Variants in ZDHHC16 observed in about 807,000 individuals in gnomAD.
ZDHHC16 encodes the protein palmitoyltransferase ZDHHC16.
A neutral mutation model predicts 54.4 loss-of-function variants in ZDHHC16; 33 were observed. The ratio of observed to expected loss-of-function variants is 0.61; its 90% confidence interval spans 0.46 to 0.81. ZDHHC16 has a LOEUF of 0.81. Among genes scored for constraint, ZDHHC16 ranks in the 30% least tolerant of loss-of-function variants. The probability of loss-of-function intolerance (pLI) is 0.00; values close to 1 mark genes in which losing one functional copy is unlikely to be tolerated. For missense variants in ZDHHC16, 420 were observed against 485.9 expected (o/e 0.86, Z 1.28); for synonymous variants, 185 against 182.1 (o/e 1.02, Z -0.13).
chr10:97,453,787 C>T lies in ZDHHC16; in HGVS notation c.691-12C>T. ...CTGAGAGTATAACCAGCACTGTTTT[C>T]CGTCCCCTTAGAAAATGAAACAGCT... On this transcript the variant is annotated splice_polypyrimidine_tract_variant and intron_variant, in intron 7 of 11. Coordinates refer to ENST00000393760, the MANE Select transcript of ZDHHC16 (RefSeq NM_198046.3). 6.2e-7 allele frequency: 1 copy of T among 1,614,224 alleles called. No homozygotes were observed. Among genetic ancestry groups the T allele is most frequent in the Non-Finnish European group, 8.5e-7 (1 of 1,180,044 alleles).
At chr10:97,453,736 G>T (rs1318612792) in intron 7 of ZDHHC16, 63 bp from the exon 8 acceptor site, 1 of 1,613,998 alleles carries the variant, frequency 6.2e-7, no homozygotes, top group Non-Finnish European at 8.5e-7. Context: ...TAAGGAATGG[G>T]GCTGGTAGCA....
chr10:97,449,291 G>A (rs1310986478), intron 1 of ZDHHC16, among the ~76,000 whole-genome samples: 1 of 151,922 alleles, frequency 6.6e-6, no homozygotes, highest in Non-Finnish European at 1.5e-5. Context: ...TACAAACAAG[G>A]AGTGCATTGG....
chr10:97,453,067 G>A, intron 6 of ZDHHC16, 144 bp downstream of exon 6: 1 of 1,046,364 alleles, frequency 9.6e-7, no homozygotes, highest in Non-Finnish European at 1.5e-6. Context: ...TGGGAGAGCA[G>A]GAAGCTCACA....
chr10:97,451,970 CAT>C, intron 3 of ZDHHC16, 52 bp downstream of exon 3: 1 of 1,590,570 alleles, frequency 6.3e-7, no homozygotes, highest in Non-Finnish European at 8.6e-7. Flanking sequence ...AGCAGAGGGA[CAT>C]GTCTCTCACA....
chr10:97,446,294 T>G lies in ZDHHC16; in HGVS notation c.-245T>G. On this transcript the variant is annotated 5_prime_UTR_variant, in exon 1 of 12. An upstream open reading frame in the 5' UTR loses its in-frame stop. Coordinates refer to ENST00000393760, the MANE Select transcript of ZDHHC16 (RefSeq NM_198046.3). ...GGCGCCGAGTCGGAGGGGGTGGCAG[T>G]GAGCGGCGGCAGAGGCTACGGGGCT... 1 of 498,474 alleles carries G rather than the reference T, an allele frequency of 2.0e-6. No homozygotes were observed. Among genetic ancestry groups the G allele is most frequent in the Non-Finnish European group, 3.6e-6 (1 of 276,718 alleles). The allele number at this position is 498,474 out of a possible 1,614,324, so 30.9% of individuals were successfully genotyped here.
At chr10:97,452,035 C>A in intron 3 of ZDHHC16, 55 bp from the exon 4 acceptor site, 1 of 1,606,868 alleles carries the variant, frequency 6.2e-7, no homozygotes, top group Non-Finnish European at 8.5e-7. Context: ...AACTCCGAGT[C>A]TCCTTTGGGC....
chr10:97,448,767 C>T, intron 1 of ZDHHC16, among the ~76,000 whole-genome samples: 1 of 151,690 alleles, frequency 6.6e-6, no homozygotes, highest in East Asian at 1.9e-4. Context: ...CAAAAACAAA[C>T]AAAAAAAGTG....
At chr10:97,453,867 T>G (rs1358010458) in intron 8 of ZDHHC16, 21 bp downstream of exon 8, 1 of 1,614,046 alleles carries the variant, frequency 6.2e-7, no homozygotes, top group East Asian at 2.2e-5. Context: ...CCCACCCCAC[T>G]GCCTCCTGCT....
intron 1 of ZDHHC16, among the ~76,000 whole-genome samples, chr10:97,446,693 T>A (rs990509059): frequency 2.6e-5 from 4 of 152,328 alleles, no homozygotes; most frequent in African/African-American, 9.6e-5. Flanking sequence ...ACCTCGCGGC[T>A]GTCATTGAGA....
intron 11 of ZDHHC16, 122 bp downstream of exon 11, chr10:97,456,166 A>G: frequency 1.0e-6 from 1 of 991,606 alleles, no homozygotes. Context: ...TCTAGACTCT[A>G]GGAATAGAGA....
At chr10:97,453,061 A>G in intron 6 of ZDHHC16, 138 bp downstream of exon 6, 2 of 1,105,606 alleles carry the variant, frequency 1.8e-6, no homozygotes, top group East Asian at 4.7e-5. Context: ...ATCTCCTGGG[A>G]GAGCAGGAAG....
Position 97,451,618 on chromosome 10 carries a change from G to A in ZDHHC16, c.-5-53G>A, listed in dbSNP as rs535793944. ...GAGTACTCTAGGCCTTCCCACTAGC[G>A]GGGTAGGGAGGGAGGGCTCAGACTA... On this transcript the variant is annotated intron_variant, in intron 2 of 11. Coordinates refer to ENST00000393760, the MANE Select transcript of ZDHHC16 (RefSeq NM_198046.3). 33 of 1,559,508 alleles carry A rather than the reference G, an allele frequency of 2.1e-5. No individual in the cohort carries two copies. The South Asian group carries it at 2.8e-4, about 13-fold the overall frequency.
chr10:97,452,059 CAT>C (rs1186285904), intron 3 of ZDHHC16, 29 bp from the exon 4 acceptor site: 1 of 1,613,362 alleles, frequency 6.2e-7, no homozygotes, highest in South Asian at 1.1e-5. Context: ...GCTCTTGCGC[CAT>C]GTCTCCCTGA....
Position 97,446,781 on chromosome 10 carries a change from G to A in ZDHHC16, c.-186+428G>A, listed in dbSNP as rs145370197. Reference sequence around the variant, plus strand: ...TCGCCAGGCTGGAGTGCAGTGGAGCGATCTCTGTTCACTGCAACCTCCGCC... The same window carrying A: ...TCGCCAGGCTGGAGTGCAGTGGAGCAATCTCTGTTCACTGCAACCTCCGCC... On this transcript the variant is annotated intron_variant, in intron 1 of 11. Transcript: ENST00000393760. 3.0e-3 allele frequency among the ~76,000 whole-genome samples: 458 copies of A among 152,214 alleles called. 1 individual carries two copies. The highest frequency in any genetic ancestry group is 0.011 in the African/African-American group (438 of 41,530).
At chr10:97,449,259 G>C (rs966378591) in intron 1 of ZDHHC16, among the ~76,000 whole-genome samples, 8 of 151,964 alleles carry the variant, frequency 5.3e-5, no homozygotes, top group African/African-American at 1.9e-4. Flanking sequence ...GAGGTGTGAG[G>C]TAGTATATAA....
rs1206915352 is a variant in ZDHHC16, at chr10:97,451,877, G to A, written c.202G>A (p.Val68Ile). ...CGCTGTTGATGCTGCCTTTGAGCCT[G>A]TCTACTGGCTGGTAGACAACGTGAT... Reference protein sequence around the residue: ...DTAVDAAFEPVYWLVDNVIRW... With the variant: ...DTAVDAAFEPIYWLVDNVIRW... Residue 68 changes from valine to isoleucine, a missense_variant, in exon 3 of 12, where the codon GTC (valine) becomes ATC (isoleucine). Val to Ile is a conservative substitution (Grantham distance 29, BLOSUM62 3). Coordinates refer to ENST00000393760, the MANE Select transcript of ZDHHC16 (RefSeq NM_198046.3). The A allele has an allele frequency of 6.2e-7, 1 of 1,613,902 alleles. No individual in the cohort carries two copies. The highest frequency in any genetic ancestry group is 1.3e-5 in the African/African-American group (1 of 74,946).
chr10:97,446,463 CCCTG>C lies in ZDHHC16; in HGVS notation c.-186+112_-186+115del, dbSNP rs566042643. On this transcript the variant is annotated intron_variant, in intron 1 of 11. Coordinates refer to ENST00000393760, the MANE Select transcript of ZDHHC16 (RefSeq NM_198046.3). ...GGGTTCCTGCTCTCTCCTCGCCCCG[CCCTG>C]CGGGGCCGTGCCCTCCTCAGCCCGA... 9.5e-4 allele frequency: 174 copies of C among 183,640 alleles called. 1 individual carries two copies. Among genetic ancestry groups the C allele is most frequent in the African/African-American group, 3.9e-3 (164 of 41,856 alleles). 11.4% of individuals were successfully genotyped at this position (183,640 alleles called of 1,614,324 possible). A position where few individuals can be genotyped will look rare whatever the true frequency, so the allele number is the denominator to read the frequency against.
At chr10:97,452,528 GA>G in intron 5 of ZDHHC16, 25 bp downstream of exon 5, 1 of 1,609,432 alleles carries the variant, frequency 6.2e-7, no homozygotes, top group African/African-American at 1.3e-5. Flanking sequence ...TGCTCTCTGG[GA>G]ATCCCAGCTG....
chr10:97,455,822 A>G, intron 10 of ZDHHC16, 39 bp downstream of exon 10: 1 of 1,608,320 alleles, frequency 6.2e-7, no homozygotes, highest in South Asian at 1.1e-5. Context: ...TAGGTGGGTA[A>G]CTGAACTTGC....
Sources: allele counts gnomAD v4.1 joint callset (sites outside exome capture counted in the v4.1 genomes callset), GRCh38; gene constraint gnomAD v4.1.1; transcripts MANE v1.5; gene names NCBI Gene and HGNC (gene_info 2026-07-23, HGNC 2026-07-21).